The following NTM variants were observed in gnomAD, a reference collection of about 807,000 sequenced individuals.
NTM encodes the protein neurotrimin, also known as IgLON family member 2.
In NTM, 13 loss-of-function variants were observed where a neutral mutation model predicts 42.1. That is an observed-to-expected ratio of 0.31 (90% CI 0.20 to 0.49). NTM has a LOEUF of 0.49. Among genes scored for constraint, NTM ranks in the 20% least tolerant of loss-of-function variants. The pLI, the probability that NTM is intolerant of heterozygous loss-of-function variation, is 0.99. For synonymous variants in NTM, 187 were observed against 179.2 expected (o/e 1.04, Z -0.35); for missense variants, 373 against 452.8 (o/e 0.82, Z 1.60).
At chr11:132,208,277 C>T (rs2082292018) in intron 3 of NTM, among the ~76,000 whole-genome samples, 1 of 152,212 alleles carries the variant, frequency 6.6e-6, no homozygotes, top group South Asian at 2.1e-4. Flanking sequence ...GAAGTTGCCA[C>T]CTAGAAAATC....
At chr11:131,386,015 T>A (rs542110363) in intron 1 of NTM, among the ~76,000 whole-genome samples, 1 of 152,348 alleles carries the variant, frequency 6.6e-6, no homozygotes, top group African/African-American at 2.4e-5. Context: ...AACAGGTATT[T>A]ATACATGAAT....
chr11:131,484,973 C>T (rs1390134028), intron 1 of NTM, among the ~76,000 whole-genome samples: 1 of 152,188 alleles, frequency 6.6e-6, no homozygotes, highest in African/African-American at 2.4e-5. Context: ...AGATTTTATA[C>T]TTGAAAAATG....
intron 1 of NTM, among the ~76,000 whole-genome samples, chr11:131,428,851 A>G (rs1347757273): frequency 1.4e-5 from 2 of 147,154 alleles, no homozygotes; most frequent in East Asian, 4.1e-4. Flanking sequence ...CAAGGCCCAC[A>G]TGGTGAAACC....
chr11:132,201,474 C>T (rs1250674887), intron 3 of NTM, among the ~76,000 whole-genome samples: 3 of 152,126 alleles, frequency 2.0e-5, no homozygotes, highest in African/African-American at 4.8e-5. Flanking sequence ...CGAGGCCTTG[C>T]GGTTGAGCCT....
At chr11:131,462,331 CTA>C (rs1049189025) in intron 1 of NTM, among the ~76,000 whole-genome samples, 57 of 152,142 alleles carry the variant, frequency 3.7e-4, no homozygotes, top group African/African-American at 1.4e-3. Flanking sequence ...GGCTACATAA[CTA>C]TATGTTTGTT....
At chr11:131,467,463 C>A (rs551072899) in intron 1 of NTM, among the ~76,000 whole-genome samples, 1 of 152,316 alleles carries the variant, frequency 6.6e-6, no homozygotes, top group African/African-American at 2.4e-5. Context: ...AATTCAACTG[C>A]ACTTCAGAAC....
At chr11:132,100,889 A>G (rs1199920083) in intron 2 of NTM, among the ~76,000 whole-genome samples, 1 of 152,222 alleles carries the variant, frequency 6.6e-6, no homozygotes, top group Non-Finnish European at 1.5e-5. Context: ...TTCTGCATAG[A>G]AACTACAGAG....
At chr11:131,682,749 C>T (rs1466435986) in intron 1 of NTM, among the ~76,000 whole-genome samples, 25 of 152,182 alleles carry the variant, frequency 1.6e-4, no homozygotes, top group Non-Finnish European at 1.5e-5. Flanking sequence ...TCAGTTCTGA[C>T]AGCCATATCC....
At chr11:132,187,506 C>T (rs938608812) in intron 3 of NTM, among the ~76,000 whole-genome samples, 1 of 152,136 alleles carries the variant, frequency 6.6e-6, no homozygotes, top group Non-Finnish European at 1.5e-5. Context: ...TGCATTCATT[C>T]CTAGCCAACT....
At chr11:131,417,368 C>T (rs1297386554) in intron 1 of NTM, among the ~76,000 whole-genome samples, 3 of 152,164 alleles carry the variant, frequency 2.0e-5, no homozygotes, top group Non-Finnish European at 4.4e-5. Context: ...GGAATGCTTT[C>T]CTGGCTCCAG....
intron 1 of NTM, among the ~76,000 whole-genome samples, chr11:131,878,928 C>T (rs1026886673): frequency 8.5e-5 from 13 of 152,110 alleles, no homozygotes; most frequent in East Asian, 1.9e-4. Flanking sequence ...CCCGGAGTAA[C>T]GGCTCTCACT....
At chr11:131,889,605 A>C (rs2137460362) in intron 1 of NTM, among the ~76,000 whole-genome samples, 1 of 152,298 alleles carries the variant, frequency 6.6e-6, no homozygotes, top group South Asian at 2.1e-4. Context: ...GGACTTCCAC[A>C]AGGTTCTAAA....
At chr11:131,619,579 G>A (rs1268608725) in intron 1 of NTM, among the ~76,000 whole-genome samples, 1 of 152,108 alleles carries the variant, frequency 6.6e-6, no homozygotes, top group Admixed American at 6.5e-5. Flanking sequence ...CTAAAATGGT[G>A]GGGCATTGGC....
chr11:131,702,340 C>T (rs2076160418), intron 1 of NTM, among the ~76,000 whole-genome samples: 2 of 152,218 alleles, frequency 1.3e-5, no homozygotes, highest in African/African-American at 4.8e-5. Flanking sequence ...TTTAATTCCA[C>T]ATAAACTGCT....
intron 1 of NTM, among the ~76,000 whole-genome samples, chr11:131,495,926 G>A (rs1462486706): frequency 6.6e-6 from 1 of 152,224 alleles, no homozygotes; most frequent in Admixed American, 6.5e-5. Flanking sequence ...AGAGGTGTCA[G>A]TTTATCAAAA....
In NTM at chr11:132,122,864, C is replaced by T. The variant is rs76759475; in HGVS notation, c.168-23418C>T. Among the ~76,000 whole-genome samples, 1,004 of 152,240 alleles carry T rather than the reference C, an allele frequency of 6.6e-3. 8 individuals are homozygous for T. The highest frequency in any genetic ancestry group is 0.022 in the African/African-American group (902 of 41,540). ...CACAGTGGTGCCCAGAATTAGATTC[C>T]TGTTGCCTTGTCTCACACACACTCA... On this transcript the variant is annotated intron_variant, in intron 2 of 8. Coordinates refer to ENST00000683400, the MANE Select transcript of NTM (RefSeq NM_001352005.2).
intron 3 of NTM, among the ~76,000 whole-genome samples, chr11:132,170,661 T>C (rs2075988896): frequency 6.6e-6 from 1 of 152,216 alleles, no homozygotes; most frequent in Non-Finnish European, 1.5e-5. Flanking sequence ...ATTTAATTTC[T>C]CAGAGCTCCA....
intron 4 of NTM, among the ~76,000 whole-genome samples, chr11:132,228,707 G>C (rs1036493916): frequency 6.6e-6 from 1 of 152,170 alleles, no homozygotes; most frequent in African/African-American, 2.4e-5. Flanking sequence ...GCTTCCAGCT[G>C]CCCACACTGA....
intron 2 of NTM, among the ~76,000 whole-genome samples, chr11:132,044,998 A>G (rs954630242): frequency 6.6e-6 from 1 of 152,346 alleles, no homozygotes; most frequent in African/African-American, 2.4e-5. Context: ...AAAAATTGAA[A>G]AGAAGGGGAC....
Sources: allele counts gnomAD v4.1 joint callset (sites outside exome capture counted in the v4.1 genomes callset), GRCh38; gene constraint gnomAD v4.1.1; transcripts MANE v1.5; gene names NCBI Gene and HGNC (gene_info 2026-07-23, HGNC 2026-07-21).